KIF13B: variants seen among roughly 807,000 people sequenced by gnomAD.
KIF13B encodes the protein kinesin family member 13B.
Under a neutral mutation model 222.0 loss-of-function variants are expected in KIF13B, and 127 were observed. The ratio of observed to expected loss-of-function variants is 0.57; its 90% CI spans 0.50 to 0.66. The LOEUF is 0.66. KIF13B is among the 30% of genes least tolerant of loss of function. The pLI, the probability that KIF13B is intolerant of heterozygous loss-of-function variation, is 0.00. For missense variants in KIF13B, 2,173 were observed against 2,379.0 expected (o/e 0.91, Z 1.80); for synonymous variants, 976 against 919.0 (o/e 1.06, Z -1.12).
intron 14 of KIF13B, among the ~76,000 whole-genome samples, chr8:29,152,183 G>A (rs1811328829): frequency 6.6e-6 from 1 of 152,174 alleles, no homozygotes; most frequent in Non-Finnish European, 1.5e-5. Flanking sequence ...AACATTAGTG[G>A]GTAAGTTGAT....
At chr8:29,196,095 A>C in intron 3 of KIF13B, 92 bp downstream of exon 3, 1 of 1,088,716 alleles carries the variant, frequency 9.2e-7, no homozygotes, top group Non-Finnish European at 1.3e-6. Flanking sequence ...ATGATAGAAA[A>C]TATTTTCCTT....
At chr8:29,072,454 G>C (rs1161833953) in intron 38 of KIF13B, 138 bp from the exon 39 acceptor site, 1 of 476,530 alleles carries the variant, frequency 2.1e-6, no homozygotes, top group Non-Finnish European at 3.5e-6. Context: ...TGGAGGGCAA[G>C]ACGGAAGATC....
Position 29,167,362 on chromosome 8 carries a change from G to A in KIF13B, c.1158+11C>T. On this transcript the variant is annotated intron_variant, in intron 11 of 39. Coordinates refer to ENST00000524189, the MANE Select transcript of KIF13B (RefSeq NM_015254.4). ...CTGGACTCACAGGGCGCACGCGGTG[G>A]TGCCTCCTACCTCTGCTTTGGTCAG... 1 of 1,608,472 alleles carries A rather than the reference G, an allele frequency of 6.2e-7. No homozygotes were observed. The highest frequency in any genetic ancestry group is 8.5e-7 in the Non-Finnish European group (1 of 1,176,880).
At chr8:29,201,021 C>T (rs35155869) in intron 2 of KIF13B, among the ~76,000 whole-genome samples, 1 of 152,272 alleles carries the variant, frequency 6.6e-6, no homozygotes, top group Non-Finnish European at 1.5e-5. Flanking sequence ...TTTTTACCTT[C>T]GTAACAAATA....
intron 2 of KIF13B, among the ~76,000 whole-genome samples, chr8:29,231,918 A>G (rs1815303269): frequency 6.6e-6 from 1 of 152,210 alleles, no homozygotes; most frequent in Admixed American, 6.5e-5. Context: ...GATTCCAGCT[A>G]CATATTCCAG....
chr8:29,239,519 T>G (rs1815665590), intron 2 of KIF13B, among the ~76,000 whole-genome samples: 1 of 152,088 alleles, frequency 6.6e-6, no homozygotes, highest in South Asian at 2.1e-4. Flanking sequence ...CAAGAGACAC[T>G]GGGGACTCCA....
At chr8:29,169,711 T>A (rs1358799740) in intron 10 of KIF13B, among the ~76,000 whole-genome samples, 2 of 152,234 alleles carry the variant, frequency 1.3e-5, no homozygotes, top group African/African-American at 4.8e-5. Flanking sequence ...TAGACATTAA[T>A]CTCACATAGC....
chr8:29,178,866 G>T lies in KIF13B; in HGVS notation c.720+1238C>A, dbSNP rs538338408. Among the ~76,000 whole-genome samples the T allele has an allele frequency of 1.2e-3, 187 of 152,132 alleles. 1 individual carries two copies. Among genetic ancestry groups the T allele is most frequent in the Non-Finnish European group, 2.2e-3 (151 of 67,990 alleles). ...TTAAAATGGACACACTAGGGGGTAG[G>T]CATCATAATAAAATATGTAAAATTC... On this transcript the variant is annotated intron_variant, in intron 8 of 39. Coordinates refer to ENST00000524189, the MANE Select transcript of KIF13B (RefSeq NM_015254.4).
intron 2 of KIF13B, among the ~76,000 whole-genome samples, chr8:29,204,952 T>C (rs1196311145): frequency 6.6e-6 from 1 of 152,240 alleles, no homozygotes; most frequent in Non-Finnish European, 1.5e-5. Flanking sequence ...GTTCACTGAA[T>C]ATGAAATTAA....
In KIF13B at chr8:29,111,813, T is replaced by C. The variant is rs188112369; in HGVS notation, c.3930+1650A>G. On this transcript the variant is annotated intron_variant, in intron 32 of 39. Coordinates refer to ENST00000524189, the MANE Select transcript of KIF13B (RefSeq NM_015254.4). ...CAAGATCTGAAACAACTGGAAAATATAGAAAATGTTTAGATACACAGAGTA... is the reference window on the plus strand; with the variant it reads ...CAAGATCTGAAACAACTGGAAAATACAGAAAATGTTTAGATACACAGAGTA... Among the ~76,000 whole-genome samples the C allele has an allele frequency of 1.7e-3, 260 of 152,240 alleles. 1 individual carries two copies. The highest frequency in any genetic ancestry group is 5.9e-3 in the African/African-American group (247 of 41,552).
chr8:29,162,849 CA>C lies in KIF13B; in HGVS notation c.1270-1983del, dbSNP rs139165635. 2.5e-3 allele frequency among the ~76,000 whole-genome samples: 384 copies of C among 152,276 alleles called. 5 individuals are homozygous for C. The highest frequency in any genetic ancestry group is 8.7e-3 in the African/African-American group (363 of 41,548). On this transcript the variant is annotated intron_variant, in intron 12 of 39. Coordinates refer to ENST00000524189, the MANE Select transcript of KIF13B (RefSeq NM_015254.4). Reference sequence around the variant, plus strand: ...TATCATCAAATATTGCTTCTGATATCAGGGGTTGGTTAACTTTTCCTATAAA... The same window carrying C: ...TATCATCAAATATTGCTTCTGATATCGGGGTTGGTTAACTTTTCCTATAAA...
intron 2 of KIF13B, among the ~76,000 whole-genome samples, chr8:29,214,922 G>C (rs967311810): frequency 1.3e-5 from 2 of 152,106 alleles, no homozygotes; most frequent in Non-Finnish European, 2.9e-5. Flanking sequence ...TATCATTATG[G>C]GGCGCATGAC....
At chr8:29,123,870 G>C (rs1809988890) in intron 27 of KIF13B, among the ~76,000 whole-genome samples, 154 bp downstream of exon 27, 1 of 152,200 alleles carries the variant, frequency 6.6e-6, no homozygotes, top group African/African-American at 2.4e-5. Flanking sequence ...CTGGATAAAG[G>C]ATATGACATA....
intron 20 of KIF13B, 46 bp from the exon 21 acceptor site, chr8:29,140,237 G>C: frequency 6.2e-7 from 1 of 1,608,852 alleles, no homozygotes; most frequent in South Asian, 1.1e-5. Context: ...GATTTGGTTC[G>C]TGCTCCCTTG....
At position 29,113,507 on chromosome 8, in the gene KIF13B, G is replaced by A. The variant is rs769633398; in HGVS notation, c.3886C>T (p.Pro1296Ser). The A allele has an allele frequency of 6.3e-7, 1 of 1,594,488 alleles. No homozygotes were observed. The highest frequency in any genetic ancestry group is 1.1e-5 in the South Asian group (1 of 87,714). ...LKKMSHRSSI[P>S]GCGVTFEIVS... ...ATTTCAAAAGTCACTCCACAGCCAG[G>A]AATAGAACTTCGATGAGACATCTTT... The change falls in exon 32 of 40, where the codon CCT (proline) becomes TCT (serine). Residue 1296 changes from proline (P) to serine (S), a missense_variant. This residue lies in a region of KIF13B where 1,480 missense variants were observed against 1,722.8 expected (regional missense o/e 0.86). Coordinates refer to ENST00000524189, the MANE Select transcript of KIF13B (RefSeq NM_015254.4).
intron 13 of KIF13B, 50 bp from the exon 14 acceptor site, chr8:29,155,906 C>A: frequency 7.1e-7 from 1 of 1,401,750 alleles, no homozygotes; most frequent in South Asian, 1.2e-5. Flanking sequence ...TACATATACA[C>A]AATTGAAATC....
At chr8:29,146,646 G>T in intron 17 of KIF13B, 106 bp from the exon 18 acceptor site, 1 of 1,046,808 alleles carries the variant, frequency 9.6e-7, no homozygotes, top group Non-Finnish European at 1.4e-6. Flanking sequence ...TGTGAATTGA[G>T]CTTTTTCCGT....
rs1807272660 is a variant in KIF13B, at chr8:29,071,508, C to A, written c.5218+112G>T. On this transcript the variant is annotated intron_variant, in intron 39 of 39. Transcript: ENST00000524189. This position sits in a 1 kb window ranked among gnomAD's most constrained non-coding sequence, Gnocchi z 4.9. ...TCCCGCAGCTTCAGCCAAGCCGCTG[C>A]CTCCCGGCCCCTCCCTCTCCTGCCC... The A allele has an allele frequency of 2.1e-6, 2 of 970,516 alleles. No homozygotes were observed. Among genetic ancestry groups the A allele is most frequent in the Non-Finnish European group, 3.1e-6 (2 of 651,498 alleles). The allele number at this position is 970,516 out of a possible 1,614,324, so 60.1% of individuals were successfully genotyped here. A position where few individuals can be genotyped will look rare whatever the true frequency, so the allele number is the denominator to read the frequency against.
At chr8:29,128,466 A>G (rs1376808227) in intron 24 of KIF13B, among the ~76,000 whole-genome samples, 1 of 152,218 alleles carries the variant, frequency 6.6e-6, no homozygotes, top group African/African-American at 2.4e-5. Context: ...TGGGATACAG[A>G]TGTTTTCTGA....
Sources: allele counts gnomAD v4.1 joint callset (sites outside exome capture counted in the v4.1 genomes callset), GRCh38; gene constraint gnomAD v4.1.1; regional missense constraint gnomAD v4.1.1; non-coding constraint Gnocchi (gnomAD v3.1); transcripts MANE v1.5; gene names NCBI Gene and HGNC (gene_info 2026-07-23, HGNC 2026-07-21).